Variants in ALPG observed in about 807,000 individuals in gnomAD.
ALPG encodes alkaline phosphatase, germ cell.
ALPG carries 32 observed loss-of-function variants against 48.6 expected under a neutral mutation model. The ratio of observed to expected loss-of-function variants is 0.66; its 90% CI spans 0.50 to 0.88. ALPG has a LOEUF of 0.88. Ranked by LOEUF, ALPG falls within the 40% of genes least tolerant of loss-of-function variation. The pLI is 0.00. For missense variants in ALPG, 533 were observed against 718.1 expected (o/e 0.74, Z 2.95); for synonymous variants, 244 against 308.9 (o/e 0.79, Z 2.20).
At position 232,407,627 on chromosome 2, in the gene ALPG, G is replaced by A; in HGVS notation, c.334G>A (p.Gly112Arg). The change falls in exon 4 of 11, where the codon GGA (glycine) becomes AGA (arginine). Residue 112 changes from glycine (G) to arginine (R), a missense_variant. By Grantham distance (125) the Gly-to-Arg change is moderately radical (BLOSUM62 -2). Coordinates refer to ENST00000295453, the MANE Select transcript of ALPG (RefSeq NM_031313.3). ...YSVDKHVPDSGATATAYLCGV... is the reference protein window; with the variant it reads ...YSVDKHVPDSRATATAYLCGV... ...TGTAGACAAGCATGTGCCAGACAGT[G>A]GAGCCACAGCCACGGCCTACCTGTG... 2 of 1,613,922 alleles carry A rather than the reference G, an allele frequency of 1.2e-6. No individual in the cohort carries two copies. Among genetic ancestry groups the A allele is most frequent in the Non-Finnish European group, 1.7e-6 (2 of 1,180,018 alleles).
At chr2:232,407,207 T>C in intron 2 of ALPG, 34 bp downstream of exon 2, 1 of 1,613,832 alleles carries the variant, frequency 6.2e-7, no homozygotes, top group South Asian at 1.1e-5. Context: ...CCCGCAGCCC[T>C]CACAGCCCCG....
chr2:232,409,455 G>A lies in ALPG; in HGVS notation c.1300+7G>A. ...GTTACGGAGAGCGAGAGCGGTGAGT[G>A]CCGTGGGGTGGCCCCCTGAGGGGGA... On this transcript the variant is annotated splice_region_variant and intron_variant, in intron 10 of 10. Coordinates refer to ENST00000295453, the MANE Select transcript of ALPG (RefSeq NM_031313.3). 6.6e-7 allele frequency: 1 copy of A among 1,510,708 alleles called. No individual in the cohort carries two copies. Among genetic ancestry groups the A allele is most frequent in the Non-Finnish European group, 9.1e-7 (1 of 1,097,890 alleles). The allele number at this position is 1,510,708 out of a possible 1,614,324, so 93.6% of individuals were successfully genotyped here.
chr2:232,407,723 C>T lies in ALPG; in HGVS notation c.430C>T (p.Arg144Cys), dbSNP rs768799644. The change falls in exon 4 of 11, where the codon CGC becomes TGC. Residue 144 changes from arginine (R) to cysteine (C), a missense_variant. Physicochemically the swap from Arg to Cys is radical, Grantham distance 180. Transcript: ENST00000295453. ...AARFNQCNTT[R>C]GNEVISVMNR... ...CCGCTTTAACCAGTGCAACACGACACGCGGCAACGAGGTCATCTCCGTGAT... is the reference window on the plus strand; with the variant it reads ...CCGCTTTAACCAGTGCAACACGACATGCGGCAACGAGGTCATCTCCGTGAT... 9 of 1,613,624 alleles carry T rather than the reference C, an allele frequency of 5.6e-6. No individual in the cohort carries two copies. The African/African-American group carries it at 6.7e-5, about 12-fold the overall frequency.
At chr2:232,407,824 C>T (rs1697117572) in intron 4 of ALPG, 21 bp from the exon 5 acceptor site, 9 of 1,613,624 alleles carry the variant, frequency 5.6e-6, no homozygotes, top group East Asian at 2.2e-5. Flanking sequence ...TATCGCATAT[C>T]CTGACCTCTA....
chr2:232,407,212 GC>G (rs1559247182), intron 2 of ALPG, 39 bp downstream of exon 2: 2 of 1,613,946 alleles, frequency 1.2e-6, no homozygotes, highest in Admixed American at 1.7e-5. Context: ...AGCCCTCACA[GC>G]CCCGGCGCCC....
chr2:232,408,036 G>A lies in ALPG; in HGVS notation c.648+19G>A. ...CATTGATGTGCGACCCCCGGGCCAA[G>A]GGCTGGGGCTGGGCAGAGAGTAGCA... On this transcript the variant is annotated intron_variant, in intron 5 of 10. Coordinates refer to ENST00000295453, the MANE Select transcript of ALPG (RefSeq NM_031313.3). 1.3e-6 allele frequency: 2 copies of A among 1,598,218 alleles called. No individual in the cohort carries two copies. The highest frequency in any genetic ancestry group is 1.7e-6 in the Non-Finnish European group (2 of 1,172,452).
In ALPG at chr2:232,407,909, C is replaced by A. The variant is rs1216123000; in HGVS notation, c.540C>A (p.Ala180=). The change falls in exon 5 of 11, where the codon GCC becomes GCA. Residue 180 remains alanine (A), a synonymous_variant. Coordinates refer to ENST00000295453, the MANE Select transcript of ALPG (RefSeq NM_031313.3). ...VQHASPAGAY[A]HTVNRNWYSD... is the part of the protein sequence containing the mutation. ...ATGCCTCGCCAGCCGGCGCCTACGC[C>A]CACACGGTGAACCGCAACTGGTACT... The A allele has an allele frequency of 1.2e-6, 2 of 1,613,512 alleles. No homozygotes were observed. Among genetic ancestry groups the A allele is most frequent in the Admixed American group, 1.7e-5 (1 of 60,032 alleles).
In ALPG at chr2:232,410,184, G is replaced by C; in HGVS notation, c.*312G>C. 2.1e-6 allele frequency: 1 copy of C among 487,076 alleles called. No individual in the cohort carries two copies. Among genetic ancestry groups the C allele is most frequent in the South Asian group, 2.7e-5 (1 of 36,768 alleles). The allele number at this position is 487,076 out of a possible 1,614,324, so 30.2% of individuals were successfully genotyped here. A position where few individuals can be genotyped will look rare whatever the true frequency, so the allele number is the denominator to read the frequency against. Reference sequence around the variant, plus strand: ...CCCGCCCATATCCTGAGGTGGATCAGGCAGGCTCTCTCCCCGGGGACATGA... The same window carrying C: ...CCCGCCCATATCCTGAGGTGGATCACGCAGGCTCTCTCCCCGGGGACATGA... On this transcript the variant is annotated 3_prime_UTR_variant, in exon 11 of 11. Transcript: ENST00000295453.
Position 232,407,691 on chromosome 2 carries a change from C to T in ALPG, c.398C>T (p.Ala133Val), listed in dbSNP as rs2106390512. The change falls in exon 4 of 11, where the codon GCA (alanine) becomes GTA (valine). Residue 133 changes from alanine to valine, a missense_variant. Ala to Val is a moderately conservative substitution (Grantham distance 64). This residue lies in a region of ALPG where 315 missense variants were observed against 305.8 expected (regional missense o/e 1.03). Transcript: ENST00000295453. ...KGNFQTIGLS[A>V]AARFNQCNTT... The stretch of plus-strand genomic sequence containing the variant: ...AACTTCCAGACCATTGGCTTGAGTG[C>T]AGCCGCCCGCTTTAACCAGTGCAAC... 1.2e-6 allele frequency: 2 copies of T among 1,613,788 alleles called. No homozygotes were observed. The highest frequency in any genetic ancestry group is 4.5e-5 in the East Asian group (2 of 44,890).
Position 232,407,274 on chromosome 2 carries a change from C to G in ALPG, c.185-12C>G. On this transcript the variant is annotated splice_polypyrimidine_tract_variant and intron_variant, in intron 2 of 10. Coordinates refer to ENST00000295453, the MANE Select transcript of ALPG (RefSeq NM_031313.3). ...CCTGGGGAGCAAGCCTCACACACTT[C>G]TGCTCCTTCAGGGATGGGGGTGTCT... 6.2e-7 allele frequency: 1 copy of G among 1,614,014 alleles called. No individual in the cohort carries two copies. The highest frequency in any genetic ancestry group is 8.5e-7 in the Non-Finnish European group (1 of 1,180,014).
intron 2 of ALPG, 33 bp from the exon 3 acceptor site, chr2:232,407,253 G>A (rs769713558): frequency 1.2e-6 from 2 of 1,613,924 alleles, no homozygotes; most frequent in Non-Finnish European, 1.7e-6. Context: ...GACAGCCCTG[G>A]GGAGCAAGCC....
At chr2:232,409,233 G>A in intron 9 of ALPG, 99 bp from the exon 10 acceptor site, 1 of 1,602,970 alleles carries the variant, frequency 6.2e-7, no homozygotes, top group South Asian at 1.1e-5. Context: ...GTCTCCTGCG[G>A]ACTAAGCCCC....
chr2:232,409,353 G>A lies in ALPG; in HGVS notation c.1205G>A (p.Arg402Gln), dbSNP rs201572907. Reference protein sequence around the residue: ...SIFGLAPGKARDRKAYTVLLY... With the variant: ...SIFGLAPGKAQDRKAYTVLLY... The stretch of plus-strand genomic sequence containing the variant: ...GCAGGGCTGGCCCCTGGCAAGGCCC[G>A]GGACAGGAAGGCCTACACGGTCCTC... Residue 402 changes from arginine (R) to glutamine (Q), a missense_variant, in exon 10 of 11, where the codon CGG becomes CAG. Arg to Gln is a conservative substitution (Grantham distance 43). This residue lies in a region of ALPG where 11 missense variants were observed against 29.7 expected (regional missense o/e 0.37). Coordinates refer to ENST00000295453, the MANE Select transcript of ALPG (RefSeq NM_031313.3). 8.8e-6 allele frequency: 14 copies of A among 1,589,824 alleles called. No homozygotes were observed. In the South Asian group the frequency reaches 1.2e-4, roughly 14 times the overall value.
intron 2 of ALPG, 31 bp downstream of exon 2, chr2:232,407,204 C>A: frequency 6.2e-7 from 1 of 1,613,944 alleles, no homozygotes; most frequent in South Asian, 1.1e-5. Context: ...AGCCCCGCAG[C>A]CCTCACAGCC....
In ALPG at chr2:232,407,892, C is replaced by A; in HGVS notation, c.523C>A (p.Pro175Thr). The change falls in exon 5 of 11, where the codon CCA (proline) becomes ACA (threonine). Residue 175 changes from proline (P) to threonine (T), a missense_variant. Pro to Thr is a conservative substitution (Grantham distance 38). This residue lies in a region of ALPG where 315 missense variants were observed against 305.8 expected (regional missense o/e 1.03). Transcript: ENST00000295453. ...VTTTRVQHAS[P>T]AGAYAHTVNR... ...CACCACACGGGTGCAGCATGCCTCG[C>A]CAGCCGGCGCCTACGCCCACACGGT... is the stretch of plus-strand genomic sequence containing the variant. 6.2e-7 allele frequency: 1 copy of A among 1,613,488 alleles called. No homozygotes were observed. The highest frequency in any genetic ancestry group is 8.5e-7 in the Non-Finnish European group (1 of 1,180,020).
Position 232,406,863 on chromosome 2 carries a change from T to G in ALPG, c.-32T>G. Reference sequence around the variant, plus strand: ...CAGCTCATACTCCATACCTGGGATTTCCGCCTCGCCGCTCTCCGACTGCTT... The same window carrying G: ...CAGCTCATACTCCATACCTGGGATTGCCGCCTCGCCGCTCTCCGACTGCTT... On this transcript the variant is annotated 5_prime_UTR_variant, in exon 1 of 11. Coordinates refer to ENST00000295453, the MANE Select transcript of ALPG (RefSeq NM_031313.3). 6.3e-7 allele frequency: 1 copy of G among 1,596,454 alleles called. No homozygotes were observed. The highest frequency in any genetic ancestry group is 8.5e-7 in the Non-Finnish European group (1 of 1,172,520).
Position 232,408,415 on chromosome 2 carries a change from G to A in ALPG, c.783+14G>A, listed in dbSNP as rs367840919. On this transcript the variant is annotated intron_variant, in intron 6 of 10. Transcript: ENST00000295453. The stretch of plus-strand genomic sequence containing the variant: ...GCGAAGCACCAGGTGATGGGGGCTG[G>A]TGGGTGTGCTGGGCACAGCAGGGGG... 30 of 1,487,064 alleles carry A rather than the reference G, an allele frequency of 2.0e-5. 4 individuals are homozygous for A. The African/African-American group carries it at 4.0e-4, about 20-fold the overall frequency. 92.1% of individuals were successfully genotyped at this position (1,487,064 alleles called of 1,614,324 possible). A position where few individuals can be genotyped will look rare whatever the true frequency, so the allele number is the denominator to read the frequency against.
Position 232,409,802 on chromosome 2 carries a change from C to T in ALPG, c.1529C>T (p.Ser510Phe), listed in dbSNP as rs1352057018. Residue 510 changes from serine to phenylalanine, a missense_variant, in exon 11 of 11, where the codon TCC becomes TTC. Ser to Phe is a radical substitution (Grantham distance 155). Coordinates refer to ENST00000295453, the MANE Select transcript of ALPG (RefSeq NM_031313.3). The part of the protein sequence containing the change: ...GTTDAAHPGP[S>F]VVPALLPLLA... ...ACCGACGCCGCGCACCCGGGGCCGT[C>T]CGTGGTCCCCGCGTTGCTTCCTCTG... The T allele has an allele frequency of 2.5e-6, 4 of 1,595,178 alleles. No individual in the cohort carries two copies. Among genetic ancestry groups the T allele is most frequent in the Admixed American group, 1.7e-5 (1 of 57,806 alleles).
Position 232,407,979 on chromosome 2 carries a change from G to A in ALPG, c.610G>A (p.Asp204Asn), listed in dbSNP as rs776672251. 1 of 1,612,950 alleles carries A rather than the reference G, an allele frequency of 6.2e-7. No homozygotes were observed. Among genetic ancestry groups the A allele is most frequent in the South Asian group, 1.1e-5 (1 of 90,884 alleles). Residue 204 changes from aspartate (D) to asparagine (N), a missense_variant, in exon 5 of 11, where the codon GAC becomes AAC. Physicochemically the swap from Asp to Asn is conservative, Grantham distance 23. Coordinates refer to ENST00000295453, the MANE Select transcript of ALPG (RefSeq NM_031313.3). ...CTCGGCCCGCCAGGAGGGGTGCCAGGACATCGCCACGCAGCTCATCTCCAA... is the reference window on the plus strand; with the variant it reads ...CTCGGCCCGCCAGGAGGGGTGCCAGAACATCGCCACGCAGCTCATCTCCAA... ...PASARQEGCQ[D>N]IATQLISNMD...
Sources: gnomAD v4.1 joint callset for allele counts on GRCh38, gnomAD v4.1.1 for gene constraint, gnomAD v4.1.1 regional missense constraint, MANE v1.5 for transcripts, NCBI Gene and HGNC (gene_info 2026-07-23, HGNC 2026-07-21) for gene names.